Variants in MSRB1 observed in about 807,000 individuals in gnomAD.
MSRB1 encodes the protein methionine-R-sulfoxide reductase B1.
Under a neutral mutation model 15.2 loss-of-function variants are expected in MSRB1, and 13 were observed. The observed-to-expected ratio is 0.86, with a 90% CI of 0.56 to 1.36. MSRB1 has a LOEUF of 1.36. MSRB1 is among the 40% of genes most tolerant of loss of function. The pLI is 0.00. For synonymous variants in MSRB1, 68 were observed against 64.5 expected, an observed-to-expected ratio of 1.05 and a Z score of -0.26; for missense variants, 174 against 155.9, an observed-to-expected ratio of 1.12 and a Z score of -0.62.
In MSRB1 at chr16:1,939,134, G is replaced by T. The variant is rs199711553; in HGVS notation, c.329C>A (p.Thr110Asn). ...CGCCTAGTGACCCTGGGAGGCAGAA[G>T]TTTCTTTGCCTGAAAGAGAGGAGAG... ...SLKFVPKGKE[T>N]SASQGH The change falls in exon 4 of 4, where the codon ACT (threonine) becomes AAT (asparagine). Residue 110 changes from threonine (T) to asparagine (N), a missense_variant. Transcript: ENST00000361871. 1.5e-3 allele frequency: 2,413 copies of T among 1,608,564 alleles called. 3 individuals carry two copies. The highest frequency in any genetic ancestry group is 1.9e-3 in the Admixed American group (111 of 58,562).
In MSRB1 at chr16:1,939,137, T is replaced by C. The variant is rs1361724357; in HGVS notation, c.326A>G (p.Glu109Gly). Residue 109 changes from glutamate to glycine, a missense_variant, in exon 4 of 4, where the codon GAA (glutamate) becomes GGA (glycine). Physicochemically the swap from Glu to Gly is moderately conservative, Grantham distance 98. Transcript: ENST00000361871. ...SSLKFVPKGK[E>G]TSASQGH ...CTAGTGACCCTGGGAGGCAGAAGTT[T>C]CTTTGCCTGAAAGAGAGGAGAGGGG... 6.2e-7 allele frequency: 1 copy of C among 1,607,190 alleles called. No homozygotes were observed. The highest frequency in any genetic ancestry group is 1.7e-4 in the Middle Eastern group (1 of 6,032).
intron 3 of MSRB1, among the ~76,000 whole-genome samples, chr16:1,939,530 G>T (rs1384396420): frequency 6.6e-6 from 1 of 152,162 alleles, no homozygotes; most frequent in Non-Finnish European, 1.5e-5. Context: ...CCACAAGCGT[G>T]TGCTGTTAAC....
chr16:1,940,455 A>G (rs1674074414), intron 3 of MSRB1, among the ~76,000 whole-genome samples: 1 of 152,154 alleles, frequency 6.6e-6, no homozygotes, highest in African/African-American at 2.4e-5. Flanking sequence ...AGCCGCACAG[A>G]CTGGGGCCTC....
At position 1,943,094 on chromosome 16, in the gene MSRB1, G is replaced by C. The variant is rs758810762; in HGVS notation, c.55+8C>G. ...GCTGCCCTCCCAGCGAGAGGCCGCA[G>C]GACCAACCAGGTTCAAAGTGATTCT... On this transcript the variant is annotated splice_region_variant and intron_variant, in intron 1 of 3. Coordinates refer to ENST00000361871, the MANE Select transcript of MSRB1 (RefSeq NM_016332.4). The C allele has an allele frequency of 2.4e-5, 38 of 1,555,842 alleles. No individual in the cohort carries two copies. Among genetic ancestry groups the C allele is most frequent in the Non-Finnish European group, 3.3e-5 (38 of 1,150,008 alleles).
At chr16:1,941,515 T>G in intron 1 of MSRB1, 110 bp from the exon 2 acceptor site, 4 of 1,400,006 alleles carry the variant, frequency 2.9e-6, no homozygotes, top group Non-Finnish European at 3.8e-6. Flanking sequence ...GTTCCGAGGG[T>G]AGGCTGTGCT....
chr16:1,940,721 C>A (rs1206440383), intron 3 of MSRB1, 57 bp downstream of exon 3: 4 of 1,560,894 alleles, frequency 2.6e-6, no homozygotes, highest in African/African-American at 2.7e-5. Context: ...CACTGGGCCC[C>A]CCAGCCTGGG....
intron 3 of MSRB1, 90 bp downstream of exon 3, chr16:1,940,688 C>T: frequency 6.9e-7 from 1 of 1,456,642 alleles, no homozygotes; most frequent in Non-Finnish European, 9.2e-7. Context: ...CATACCTTGT[C>T]ATGGTAAGTG....
intron 1 of MSRB1, 107 bp from the exon 2 acceptor site, chr16:1,941,512 G>C (rs9934331): frequency 0.19 from 272,630 of 1,435,252 alleles, 29,601 homozygotes; most frequent in East Asian, 0.47. Context: ...CCCGTTCCGA[G>C]GGTAGGCTGT....
At chr16:1,939,381 C>G (rs1397536212) in intron 3 of MSRB1, among the ~76,000 whole-genome samples, 1 of 152,192 alleles carries the variant, frequency 6.6e-6, no homozygotes, top group African/African-American at 2.4e-5. Flanking sequence ...TTTGTTCTGA[C>G]ATCCACAGGA....
chr16:1,942,260 T>C (rs973091482), intron 1 of MSRB1, among the ~76,000 whole-genome samples: 1 of 152,232 alleles, frequency 6.6e-6, no homozygotes, highest in African/African-American at 2.4e-5. Flanking sequence ...CCAGAGAGTC[T>C]TGCTGGGGGA....
At chr16:1,939,953 CAAA>C (rs1363713225) in intron 3 of MSRB1, among the ~76,000 whole-genome samples, 6 of 87,724 alleles carry the variant, frequency 6.8e-5, no homozygotes, top group Non-Finnish European at 4.8e-5. Context: ...ACTCTGTCAC[CAAA>C]AAAAAAAAAA....
Position 1,938,586 on chromosome 16 carries a change from T to C in MSRB1, c.*526A>G, listed in dbSNP as rs1418638704. On this transcript the variant is annotated 3_prime_UTR_variant, in exon 4 of 4. Transcript: ENST00000361871. ...CCAGCAGGTCACAGACCATCCCCAC[T>C]CTGGCTGGCCTGGAAGGGTTTGACC... 2 of 162,116 alleles carry C rather than the reference T, an allele frequency of 1.2e-5. No homozygotes were observed. Among genetic ancestry groups the C allele is most frequent in the East Asian group, 3.8e-4 (2 of 5,310 alleles). 10.0% of individuals were successfully genotyped at this position (162,116 alleles called of 1,614,324 possible).
chr16:1,939,397 C>A (rs1001317448), intron 3 of MSRB1, among the ~76,000 whole-genome samples: 2 of 152,146 alleles, frequency 1.3e-5, no homozygotes, highest in African/African-American at 4.8e-5. Context: ...CAGGAGAACC[C>A]AGAATCTCTT....
intron 1 of MSRB1, among the ~76,000 whole-genome samples, 169 bp downstream of exon 1, chr16:1,942,933 G>C (rs1038318137): frequency 9.9e-5 from 15 of 151,526 alleles, no homozygotes; most frequent in Admixed American, 9.9e-4. Flanking sequence ...TCGCCCCCAG[G>C]CTCCCCACTC....
intron 1 of MSRB1, 190 bp from the exon 2 acceptor site, chr16:1,941,595 G>A (rs2083078099): frequency 2.9e-6 from 2 of 700,788 alleles, no homozygotes; most frequent in Non-Finnish European, 4.7e-6. Flanking sequence ...CAGAGACCAG[G>A]GGAGTCACCT....
chr16:1,941,557 G>C (rs2083077744), intron 1 of MSRB1, 152 bp from the exon 2 acceptor site: 1 of 1,056,290 alleles, frequency 9.5e-7, no homozygotes, highest in Admixed American at 2.9e-5. Context: ...GGGAGGCGCT[G>C]TGCTGAGCTC....
chr16:1,938,850 T>G lies in MSRB1; in HGVS notation c.*262A>C, dbSNP rs1342361924. 3 of 564,084 alleles carry G rather than the reference T, an allele frequency of 5.3e-6. No homozygotes were observed. Among genetic ancestry groups the G allele is most frequent in the Non-Finnish European group, 9.4e-6 (3 of 320,192 alleles). The allele number at this position is 564,084 out of a possible 1,614,324, so 34.9% of individuals were successfully genotyped here. A position where few individuals can be genotyped will look rare whatever the true frequency, so the allele number is the denominator to read the frequency against. On this transcript the variant is annotated 3_prime_UTR_variant, in exon 4 of 4. Transcript: ENST00000361871. ...GCTCACCTCCTGGAGGCACCTAGAG[T>G]GAGCAGGGGGCTAAGTCAGCCGACA...
At chr16:1,939,240 C>T in intron 3 of MSRB1, 97 bp from the exon 4 acceptor site, 1 of 1,365,250 alleles carries the variant, frequency 7.3e-7, no homozygotes, top group African/African-American at 1.5e-5. Context: ...AGGGTAGGGG[C>T]AGAAAGCAAG....
chr16:1,940,733 T>A, intron 3 of MSRB1, 45 bp downstream of exon 3: 1 of 1,579,090 alleles, frequency 6.3e-7, no homozygotes. Context: ...CAGCCTGGGC[T>A]CAAAGGCCAA....
Sources: gnomAD v4.1 joint callset for allele counts (sites outside exome capture counted in the v4.1 genomes callset) on GRCh38, gnomAD v4.1.1 for gene constraint, MANE v1.5 for transcripts, NCBI Gene and HGNC (gene_info 2026-07-23, HGNC 2026-07-21) for gene names.